Variants in CCNB2 observed in about 807,000 individuals in gnomAD.
CCNB2 encodes the protein cyclin B2.
In CCNB2, 39 loss-of-function variants were observed where a neutral mutation model predicts 51.1. The ratio of observed to expected loss-of-function variants is 0.76; its 90% confidence interval spans 0.59 to 1.00. The LOEUF (loss-of-function observed/expected upper bound fraction) is 1.00, where lower values mean the gene tolerates loss of function less well. Among genes scored for constraint, CCNB2 ranks in the 50% least tolerant of loss-of-function variants. The probability of loss-of-function intolerance (pLI) is 0.00; values close to 1 mark genes in which losing one functional copy is unlikely to be tolerated. For synonymous variants in CCNB2, 174 were observed against 165.5 expected, an observed-to-expected ratio of 1.05 and a Z score of -0.40; for missense variants, 472 against 470.3, an observed-to-expected ratio of 1.00 and a Z score of -0.03.
rs1319514899 is a variant in CCNB2, at chr15:59,112,927, C to G, written c.268-1517C>G. 5.3e-5 allele frequency among the ~76,000 whole-genome samples: 8 copies of G among 151,658 alleles called. No individual in the cohort carries two copies. In the South Asian group the frequency reaches 8.3e-4, roughly 16 times the overall value. On this transcript the variant is annotated intron_variant, in intron 3 of 8. Coordinates refer to ENST00000288207, the MANE Select transcript of CCNB2 (RefSeq NM_004701.4). ...AAGGCGCCTGTAGTCCCAGCTACTC[C>G]AGAAGCTGAGGCAGGAGAATGGCGT...
chr15:59,105,299 G>T lies in CCNB2; in HGVS notation c.24+7G>T. 6.4e-7 allele frequency: 1 copy of T among 1,561,008 alleles called. No homozygotes were observed. On this transcript the variant is annotated splice_region_variant and intron_variant, in intron 1 of 8. Transcript: ENST00000288207. ...GCTGCTCCGACGCCCGACGGTGAGTGTGCCCGGGGACCGCTCTCAGAGGCG... is the reference window on the plus strand; with the variant it reads ...GCTGCTCCGACGCCCGACGGTGAGTTTGCCCGGGGACCGCTCTCAGAGGCG...
At chr15:59,118,653 C>A (rs927053306) in intron 7 of CCNB2, among the ~76,000 whole-genome samples, 1 of 152,228 alleles carries the variant, frequency 6.6e-6, no homozygotes, top group Non-Finnish European at 1.5e-5. Context: ...TACTGCACTC[C>A]AGCCTGGCGG....
intron 1 of CCNB2, 134 bp from the exon 2 acceptor site, chr15:59,107,188 T>C: frequency 1.3e-6 from 1 of 773,494 alleles, no homozygotes; most frequent in African/African-American, 1.8e-5. Flanking sequence ...CTTCCTGAAA[T>C]GTACCTTTTC....
At chr15:59,124,467 G>A (rs781173044) in intron 8 of CCNB2, 4 of 387,780 alleles carry the variant, frequency 1.0e-5, no homozygotes, top group Non-Finnish European at 1.4e-5. Context: ...CTTAGGTGTC[G>A]TAAACACAGC....
Position 59,107,602 on chromosome 15 carries a change from A to C in CCNB2, c.199A>C (p.Asn67His), listed in dbSNP as rs1333981437. The change falls in exon 3 of 9, where the codon AAT becomes CAT. Residue 67 changes from asparagine to histidine, a missense_variant. Asn to His is a moderately conservative substitution (Grantham distance 68, BLOSUM62 1). Coordinates refer to ENST00000288207, the MANE Select transcript of CCNB2 (RefSeq NM_004701.4). ...TCCAGTTCAACCCACCAAAACAACA[A>C]ATGTCAACAAACAACTGAAACCTAC... ...KVPVQPTKTTNVNKQLKPTAS... is the reference protein window; with the variant it reads ...KVPVQPTKTTHVNKQLKPTAS... 2 of 1,614,098 alleles carry C rather than the reference A, an allele frequency of 1.2e-6. No individual in the cohort carries two copies. The highest frequency in any genetic ancestry group is 1.7e-6 in the Non-Finnish European group (2 of 1,180,042).
chr15:59,113,566 C>T (rs116133008), intron 3 of CCNB2, among the ~76,000 whole-genome samples: 1,936 of 152,078 alleles, frequency 0.013, 40 homozygotes, highest in Middle Eastern at 0.048. Flanking sequence ...GAATAATACA[C>T]ATATAAACTA....
Position 59,125,025 on chromosome 15 carries a change from C to T in CCNB2, c.*148C>T, listed in dbSNP as rs573235350. The stretch of plus-strand genomic sequence containing the variant: ...AAACATATATTGAGGAAAAATAAAG[C>T]GATTGGTTTTTCTTAAGGTATCCCA... On this transcript the variant is annotated 3_prime_UTR_variant, in exon 9 of 9. Coordinates refer to ENST00000288207, the MANE Select transcript of CCNB2 (RefSeq NM_004701.4). 1.4e-4 allele frequency: 67 copies of T among 481,888 alleles called. No individual in the cohort carries two copies. In the South Asian group the frequency reaches 1.7e-3, roughly 12 times the overall value. 29.9% of individuals were successfully genotyped at this position (481,888 alleles called of 1,614,324 possible).
intron 7 of CCNB2, among the ~76,000 whole-genome samples, chr15:59,121,807 C>T (rs1461172393): frequency 2.6e-5 from 4 of 151,952 alleles, no homozygotes; most frequent in Non-Finnish European, 5.9e-5. Flanking sequence ...TGGCACATGC[C>T]TGTAGTCTCA....
At chr15:59,110,674 A>G (rs1238566405) in intron 3 of CCNB2, among the ~76,000 whole-genome samples, 1 of 152,182 alleles carries the variant, frequency 6.6e-6, no homozygotes, top group African/African-American at 2.4e-5. Flanking sequence ...AATTTATACT[A>G]TCCTTTTTGC....
chr15:59,122,266 T>TTTTTTTTTTTTTTTTTTTA (rs2079305937), intron 7 of CCNB2, among the ~76,000 whole-genome samples: 1 of 140,558 alleles, frequency 7.1e-6, no homozygotes, highest in Non-Finnish European at 1.5e-5. Context: ...TTTTTTTTTT[T>TTTTTTTTTTTTTTTTTTTA]GAGACAGAGT....
At chr15:59,119,210 T>C (rs16941040) in intron 7 of CCNB2, among the ~76,000 whole-genome samples, 7,473 of 152,208 alleles carry the variant, frequency 0.049, 431 homozygotes, top group African/African-American at 0.14. Context: ...ACATGTGAAA[T>C]TGGTAACAGA....
Position 59,105,264 on chromosome 15 carries a change from C to G in CCNB2, c.-5C>G. ...GGGCTGGCACTCTTGCCTTCCCCGT[C>G]CCTCATGGCGCTGCTCCGACGCCCG... On this transcript the variant is annotated 5_prime_UTR_variant, in exon 1 of 9. Coordinates refer to ENST00000288207, the MANE Select transcript of CCNB2 (RefSeq NM_004701.4). 4 of 1,567,476 alleles carry G rather than the reference C, an allele frequency of 2.6e-6. No individual in the cohort carries two copies. Among genetic ancestry groups the G allele is most frequent in the Non-Finnish European group, 2.6e-6 (3 of 1,158,838 alleles).
intron 2 of CCNB2, 35 bp downstream of exon 2, chr15:59,107,485 G>C (rs746535929): frequency 3.1e-6 from 5 of 1,613,312 alleles, no homozygotes; most frequent in Non-Finnish European, 4.2e-6. Context: ...GAATACAGAG[G>C]CCGATTCTGT....
intron 3 of CCNB2, among the ~76,000 whole-genome samples, chr15:59,111,576 T>A (rs1358410505): frequency 6.6e-6 from 1 of 152,208 alleles, no homozygotes; most frequent in African/African-American, 2.4e-5. Flanking sequence ...ACTCCTTCAG[T>A]TTTTCACCTT....
At chr15:59,123,188 GT>G (rs1387346117) in intron 7 of CCNB2, among the ~76,000 whole-genome samples, 1 of 152,160 alleles carries the variant, frequency 6.6e-6, no homozygotes, top group Non-Finnish European at 1.5e-5. Context: ...GGGGCACTTT[GT>G]TTTAAGTGTC....
chr15:59,111,510 C>T (rs1362527713), intron 3 of CCNB2, among the ~76,000 whole-genome samples: 2 of 152,242 alleles, frequency 1.3e-5, no homozygotes, highest in Non-Finnish European at 2.9e-5. Flanking sequence ...AGTTAACCTT[C>T]AGCTGAAGCT....
At chr15:59,108,189 C>A (rs980942332) in intron 3 of CCNB2, among the ~76,000 whole-genome samples, 2 of 152,024 alleles carry the variant, frequency 1.3e-5, no homozygotes, top group African/African-American at 4.8e-5. Flanking sequence ...GGTACCAAAG[C>A]GGATATGGAC....
intron 5 of CCNB2, among the ~76,000 whole-genome samples, chr15:59,115,230 C>T (rs779969200): frequency 5.9e-5 from 9 of 152,118 alleles, no homozygotes; most frequent in Non-Finnish European, 1.0e-4. Context: ...GCACAATTTC[C>T]ATAGTTTGGT....
rs896571394 is a variant in CCNB2 at position 59,114,547 on chromosome 15, A to G, written c.371A>G (p.Asp124Gly). The G allele has an allele frequency of 5.0e-6, 8 of 1,613,600 alleles. No homozygotes were observed. The highest frequency in any genetic ancestry group is 6.8e-6 in the Non-Finnish European group (8 of 1,179,852). ...LCKIEDIDNE[D>G]WENPQLCSDY... The stretch of plus-strand genomic sequence containing the variant: ...AAAATCGAGGACATTGATAACGAAG[A>G]TTGGGAGAACCCTCAGCTCTGCAGT... Residue 124 changes from aspartate to glycine, a missense_variant, in exon 4 of 9, where the codon GAT (aspartate) becomes GGT (glycine). Coordinates refer to ENST00000288207, the MANE Select transcript of CCNB2 (RefSeq NM_004701.4).
Sources: allele counts gnomAD v4.1 joint callset (sites outside exome capture counted in the v4.1 genomes callset), GRCh38; gene constraint gnomAD v4.1.1; transcripts MANE v1.5; gene names NCBI Gene and HGNC (gene_info 2026-07-23, HGNC 2026-07-21).